The following PEX5L variants were observed in gnomAD, a reference collection of about 807,000 sequenced individuals.
The protein encoded by PEX5L is PEX5-related protein.
A neutral mutation model predicts 84.0 loss-of-function variants in PEX5L; 30 were observed. The ratio of observed to expected loss-of-function variants is 0.36; its 90% CI spans 0.27 to 0.48. The LOEUF is 0.48. Ranked by LOEUF, PEX5L falls within the 20% of genes least tolerant of loss-of-function variation. The pLI, the probability that PEX5L is intolerant of heterozygous loss-of-function variation, is 0.99. For missense variants in PEX5L, 533 were observed against 754.6 expected (o/e 0.71, Z 3.44); for synonymous variants, 270 against 283.1 (o/e 0.95, Z 0.46).
In PEX5L at chr3:179,883,767, A is replaced by G. The variant is rs911354072; in HGVS notation, c.311-3644T>C. Among the ~76,000 whole-genome samples, 140 of 151,910 alleles carry G rather than the reference A, an allele frequency of 9.2e-4. 1 individual carries two copies. In the Middle Eastern group the frequency reaches 0.01, roughly 11 times the overall value. On this transcript the variant is annotated intron_variant, in intron 4 of 14. Transcript: ENST00000467460. ...CCATTGCACTCCAGCTTGGGCAACA[A>G]GAGCAAAACTCCGTCTCAAAAAAAA...
chr3:179,835,218 TAC>T (rs1382334362), intron 8 of PEX5L, among the ~76,000 whole-genome samples: 1 of 152,190 alleles, frequency 6.6e-6, no homozygotes, highest in African/African-American at 2.4e-5. Flanking sequence ...TCAGAAAACA[TAC>T]ACTCTTGTCC....
chr3:180,027,091 A>C (rs1269033940), intron 1 of PEX5L, among the ~76,000 whole-genome samples: 2 of 150,494 alleles, frequency 1.3e-5, no homozygotes, highest in African/African-American at 5.0e-5. Context: ...CAGCCATTGA[A>C]GCTGTAACAT....
At chr3:179,970,701 T>TG (rs1784499353) in intron 2 of PEX5L, among the ~76,000 whole-genome samples, 1 of 152,140 alleles carries the variant, frequency 6.6e-6, no homozygotes. Context: ...GCTCCCTGAA[T>TG]GCAACTGTTA....
intron 8 of PEX5L, among the ~76,000 whole-genome samples, chr3:179,849,799 G>C (rs1182355915): frequency 1.3e-5 from 2 of 152,174 alleles, no homozygotes; most frequent in Non-Finnish European, 2.9e-5. Context: ...GGTTAGTATG[G>C]ATTGATGAGA....
intron 8 of PEX5L, among the ~76,000 whole-genome samples, chr3:179,827,684 C>T (rs996267661): frequency 5.9e-5 from 9 of 152,248 alleles, no homozygotes; most frequent in Middle Eastern, 3.4e-3. Context: ...AGAGAAGGGA[C>T]TTTACTCTGG....
At chr3:179,875,670 A>G (rs1239892137) in intron 5 of PEX5L, among the ~76,000 whole-genome samples, 193 bp from the exon 6 acceptor site, 3 of 152,220 alleles carry the variant, frequency 2.0e-5, no homozygotes, top group Non-Finnish European at 4.4e-5. Flanking sequence ...TATCTTTCCA[A>G]TGTTGCATAC....
At chr3:179,933,974 G>A (rs923223125) in intron 2 of PEX5L, among the ~76,000 whole-genome samples, 1 of 152,206 alleles carries the variant, frequency 6.6e-6, no homozygotes, top group African/African-American at 2.4e-5. Flanking sequence ...TAGCTGGGAA[G>A]GTTGTGCCAG....
intron 1 of PEX5L, among the ~76,000 whole-genome samples, chr3:179,989,153 C>T (rs1268451169): frequency 1.3e-5 from 2 of 152,106 alleles, no homozygotes; most frequent in African/African-American, 2.4e-5. Context: ...TCTGGTTCTA[C>T]CCACTATAGG....
Position 179,805,008 on chromosome 3 carries a change from A to C in PEX5L, c.1676+2666T>G, listed in dbSNP as rs1720675057. ...GTGGTGGGCGCCTGTAATCCCCGCT[A>C]TTCTGGAGGCTGAGGCAGGAGAATT... On this transcript the variant is annotated intron_variant, in intron 14 of 14. Coordinates refer to ENST00000467460, the MANE Select transcript of PEX5L (RefSeq NM_016559.3). 1.3e-5 allele frequency among the ~76,000 whole-genome samples: 2 copies of C among 151,744 alleles called. 1 individual carries two copies. The highest frequency in any genetic ancestry group is 4.2e-4 in the South Asian group (2 of 4,802).
intron 1 of PEX5L, among the ~76,000 whole-genome samples, chr3:179,977,877 C>A (rs533802247): frequency 6.6e-6 from 1 of 152,162 alleles, no homozygotes; most frequent in Non-Finnish European, 1.5e-5. Flanking sequence ...CTTTTCCCCC[C>A]TCTCTAACTG....
At chr3:180,026,699 T>C (rs1032036583) in intron 1 of PEX5L, among the ~76,000 whole-genome samples, 4 of 152,206 alleles carry the variant, frequency 2.6e-5, no homozygotes, top group African/African-American at 9.6e-5. Flanking sequence ...CTGTCTCTAA[T>C]GGCAGGTAGT....
At chr3:179,887,973 T>G (rs1271592061) in intron 3 of PEX5L, 189 bp from the exon 4 acceptor site, 3 of 681,992 alleles carry the variant, frequency 4.4e-6, no homozygotes, top group Non-Finnish European at 5.0e-6. Context: ...TTTAGCACTG[T>G]CAACATATTT....
chr3:179,819,849 G>A lies in PEX5L; in HGVS notation c.939+11C>T. The A allele has an allele frequency of 6.2e-7, 1 of 1,612,976 alleles. No homozygotes were observed. On this transcript the variant is annotated intron_variant, in intron 9 of 14. Transcript: ENST00000467460. ...AAAGTAGTCAGCATGTATAGGAACA[G>A]AATTGGTTACCTTCTCACTAGCCGA...
chr3:179,975,810 T>C (rs1579194831), intron 1 of PEX5L, among the ~76,000 whole-genome samples: 1 of 152,330 alleles, frequency 6.6e-6, no homozygotes, highest in South Asian at 2.1e-4. Context: ...GATTTCCTCA[T>C]ATCTGCTTTT....
At chr3:180,012,683 T>C in intron 1 of PEX5L, among the ~76,000 whole-genome samples, 1 of 152,152 alleles carries the variant, frequency 6.6e-6, no homozygotes, top group Non-Finnish European at 1.5e-5. Flanking sequence ...AGGTGAATGA[T>C]ACTTATTTTA....
chr3:179,879,084 C>T (rs1047906128), intron 5 of PEX5L, among the ~76,000 whole-genome samples: 1 of 152,124 alleles, frequency 6.6e-6, no homozygotes, highest in Non-Finnish European at 1.5e-5. Context: ...AATATGATCT[C>T]CTTATGAATG....
chr3:179,991,527 A>C (rs1358012625), intron 1 of PEX5L, among the ~76,000 whole-genome samples: 5 of 151,598 alleles, frequency 3.3e-5, no homozygotes, highest in South Asian at 2.1e-4. Context: ...CCCTCTACTC[A>C]TCTCTGGGTG....
intron 2 of PEX5L, among the ~76,000 whole-genome samples, chr3:179,921,287 T>C (rs1005773401): frequency 6.6e-6 from 1 of 151,996 alleles, no homozygotes; most frequent in African/African-American, 2.4e-5. Flanking sequence ...GCCAAAAGTA[T>C]CTCTTTCCAC....
chr3:180,036,010 C>G (rs900275966), intron 1 of PEX5L, among the ~76,000 whole-genome samples: 2 of 152,142 alleles, frequency 1.3e-5, no homozygotes, highest in Non-Finnish European at 2.9e-5. Context: ...AACATTAGAG[C>G]TCCTTGGACA....
Sources: gnomAD v4.1 joint callset for allele counts (sites outside exome capture counted in the v4.1 genomes callset) on GRCh38, gnomAD v4.1.1 for gene constraint, MANE v1.5 for transcripts, NCBI Gene and HGNC (gene_info 2026-07-23, HGNC 2026-07-21) for gene names.